KCNH1: variants seen among roughly 807,000 people sequenced by gnomAD.
KCNH1 encodes the protein potassium voltage-gated channel subfamily H member 1.
In KCNH1, 27 loss-of-function variants were observed where a neutral mutation model predicts 69.2. The observed-to-expected ratio is 0.39, with a 90% confidence interval of 0.29 to 0.54. The LOEUF is 0.54. KCNH1 is among the 20% of genes least tolerant of loss of function. The probability of loss-of-function intolerance (pLI) is 0.68; values close to 1 mark genes in which losing one functional copy is unlikely to be tolerated. For missense variants in KCNH1, 798 were observed against 1,261.6 expected, an observed-to-expected ratio of 0.63 and a Z score of 5.57; for synonymous variants, 456 against 487.7, an observed-to-expected ratio of 0.93 and a Z score of 0.86.
At chr1:211,105,556 C>T (rs528185534) in intron 2 of KCNH1, among the ~76,000 whole-genome samples, 1 of 152,238 alleles carries the variant, frequency 6.6e-6, no homozygotes, top group Non-Finnish European at 1.5e-5. Context: ...AAGGTATGTT[C>T]ATTTATAGAG....
chr1:210,819,144 T>C (rs1684876277), intron 7 of KCNH1, among the ~76,000 whole-genome samples: 1 of 151,842 alleles, frequency 6.6e-6, no homozygotes, highest in Non-Finnish European at 1.5e-5. Flanking sequence ...GTACTAATGA[T>C]TTAAAAAAAA....
intron 1 of KCNH1, among the ~76,000 whole-genome samples, chr1:211,110,217 C>T (rs1691433691): frequency 6.6e-6 from 1 of 152,034 alleles, no homozygotes; most frequent in Non-Finnish European, 1.5e-5. Context: ...CATATTCTTT[C>T]TTTGGCAGTT....
chr1:211,068,465 G>C (rs1213056484), intron 5 of KCNH1, among the ~76,000 whole-genome samples: 1 of 151,772 alleles, frequency 6.6e-6, no homozygotes, highest in Non-Finnish European at 1.5e-5. Flanking sequence ...GCACAATCTT[G>C]GCTCACTGCA....
intron 7 of KCNH1, among the ~76,000 whole-genome samples, chr1:210,903,483 G>A (rs1024437459): frequency 1.3e-5 from 2 of 152,092 alleles, no homozygotes; most frequent in Non-Finnish European, 2.9e-5. Flanking sequence ...CATGGATGGT[G>A]AATATAGTAT....
chr1:211,063,120 T>A (rs1217402357), intron 5 of KCNH1, among the ~76,000 whole-genome samples: 1 of 152,206 alleles, frequency 6.6e-6, no homozygotes, highest in Non-Finnish European at 1.5e-5. Context: ...TGGAATATTA[T>A]TCAACCATAA....
chr1:210,999,986 T>C (rs930884531), intron 6 of KCNH1, among the ~76,000 whole-genome samples: 9 of 151,964 alleles, frequency 5.9e-5, no homozygotes, highest in African/African-American at 2.2e-4. Context: ...AAAAACCCAA[T>C]AAATTAGGTA....
intron 5 of KCNH1, among the ~76,000 whole-genome samples, chr1:211,065,847 C>T (rs1690519794): frequency 1.3e-5 from 2 of 152,028 alleles, no homozygotes; most frequent in Non-Finnish European, 1.5e-5. Flanking sequence ...ACCGCTTGAG[C>T]CCAGGAGTTT....
chr1:210,960,628 T>G (rs1419412957), intron 6 of KCNH1, among the ~76,000 whole-genome samples: 1 of 152,232 alleles, frequency 6.6e-6, no homozygotes, highest in African/African-American at 2.4e-5. Context: ...AGTAGCCTAT[T>G]GTATAAATGC....
chr1:211,053,248 G>A (rs1305852203), intron 5 of KCNH1, among the ~76,000 whole-genome samples: 1 of 152,166 alleles, frequency 6.6e-6, no homozygotes, highest in East Asian at 1.9e-4. Context: ...ATTCATAAGA[G>A]CATGAGTGTT....
intron 4 of KCNH1, among the ~76,000 whole-genome samples, chr1:211,084,438 C>T (rs1690915681): frequency 6.6e-6 from 1 of 152,218 alleles, no homozygotes; most frequent in Non-Finnish European, 1.5e-5. Context: ...CGAGAGGGAG[C>T]TGGCAGGGCA....
chr1:210,973,871 C>T (rs947065622), intron 6 of KCNH1, among the ~76,000 whole-genome samples: 2 of 152,072 alleles, frequency 1.3e-5, no homozygotes, highest in Non-Finnish European at 2.9e-5. Context: ...ATTCCAGGCA[C>T]ATGGGATTTT....
At chr1:210,761,248 T>G (rs1275240233) in intron 10 of KCNH1, among the ~76,000 whole-genome samples, 2 of 8,804 alleles carry the variant, frequency 2.3e-4, no homozygotes, top group East Asian at 3.5e-3. Flanking sequence ...CGAGACTCCG[T>G]CAAAAAAAAA....
rs1038546692 is a variant in KCNH1, at chr1:210,750,684, T to C, written c.2112+24664A>G. On this transcript the variant is annotated intron_variant, in intron 10 of 10. Transcript: ENST00000271751. Reference sequence around the variant, plus strand: ...TTACAGGGGAATCAAAAGATAAAGATAGGAATTACAAGTCAAGCAGGGACA... The same window carrying C: ...TTACAGGGGAATCAAAAGATAAAGACAGGAATTACAAGTCAAGCAGGGACA... Among the ~76,000 whole-genome samples, 7 of 151,890 alleles carry C rather than the reference T, an allele frequency of 4.6e-5. No homozygotes were observed. In the East Asian group the frequency reaches 9.7e-4, roughly 21 times the overall value.
chr1:211,018,694 C>T, intron 6 of KCNH1, 89 bp downstream of exon 6: 1 of 1,005,352 alleles, frequency 9.9e-7, no homozygotes, highest in Non-Finnish European at 1.5e-6. Flanking sequence ...ATGCTATTTC[C>T]CACCCATTTA....
intron 6 of KCNH1, among the ~76,000 whole-genome samples, chr1:210,968,270 T>A (rs898920822): frequency 2.3e-5 from 3 of 128,930 alleles, no homozygotes; most frequent in African/African-American, 3.2e-5. Flanking sequence ...TCTATCATTG[T>A]TGGACATCTG....
chr1:210,779,957 C>G (rs1458235546), intron 9 of KCNH1, among the ~76,000 whole-genome samples: 1 of 152,068 alleles, frequency 6.6e-6, no homozygotes, highest in Non-Finnish European at 1.5e-5. Context: ...GGCACAGGGC[C>G]AGGGAGGGGC....
chr1:210,925,591 C>A (rs976426189), intron 6 of KCNH1, among the ~76,000 whole-genome samples: 2 of 152,164 alleles, frequency 1.3e-5, no homozygotes, highest in Non-Finnish European at 2.9e-5. Context: ...AGGGTGAAGC[C>A]TGTGACTGCC....
intron 5 of KCNH1, among the ~76,000 whole-genome samples, chr1:211,027,629 T>C (rs1451832335): frequency 1.4e-5 from 2 of 147,978 alleles, no homozygotes. Flanking sequence ...ATGAAGAAGA[T>C]GAAGAAAAAA....
chr1:210,802,528 G>A (rs549333201), intron 8 of KCNH1, among the ~76,000 whole-genome samples: 4 of 152,220 alleles, frequency 2.6e-5, no homozygotes, highest in African/African-American at 9.6e-5. Context: ...TAATCTCAAT[G>A]GATCTGAGAT....
Sources: gnomAD v4.1 joint callset for allele counts (sites outside exome capture counted in the v4.1 genomes callset) on GRCh38, gnomAD v4.1.1 for gene constraint, MANE v1.5 for transcripts, NCBI Gene and HGNC (gene_info 2026-07-23, HGNC 2026-07-21) for gene names.